PCLO: variants seen among roughly 807,000 people sequenced by gnomAD.
PCLO encodes the protein piccolo presynaptic cytomatrix protein, also known as protein piccolo.
A neutral mutation model predicts 427.5 loss-of-function variants in PCLO; 82 were observed. That is an observed-to-expected ratio of 0.19 (90% CI 0.16 to 0.23). The LOEUF is 0.23. Among genes scored for constraint, PCLO ranks in the 10% least tolerant of loss-of-function variants. PCLO has a pLI of 1.00. For missense variants in PCLO, 6,239 were observed against 6,115.9 expected, an observed-to-expected ratio of 1.02 and a Z score of -0.67; for synonymous variants, 2,357 against 2,155.4, an observed-to-expected ratio of 1.09 and a Z score of -2.59.
chr7:83,030,130 A>AG (rs1788626299), intron 3 of PCLO, among the ~76,000 whole-genome samples: 1 of 145,836 alleles, frequency 6.9e-6, no homozygotes, highest in Non-Finnish European at 1.5e-5. Context: ...AAAAAAAAAA[A>AG]AAAAGAAAAG....
intron 3 of PCLO, among the ~76,000 whole-genome samples, chr7:83,058,831 T>C (rs1377808610): frequency 1.3e-5 from 2 of 152,124 alleles, no homozygotes; most frequent in Non-Finnish European, 2.9e-5. Flanking sequence ...GCAAGGGACT[T>C]ACCTGGATAT....
At chr7:83,151,226 G>T (rs1305726539) in intron 2 of PCLO, among the ~76,000 whole-genome samples, 1 of 152,140 alleles carries the variant, frequency 6.6e-6, no homozygotes, top group Admixed American at 6.5e-5. Flanking sequence ...AAGTTAAAAT[G>T]AAACGATATC....
chr7:82,865,254 A>T (rs2115942022), intron 10 of PCLO, among the ~76,000 whole-genome samples: 1 of 152,260 alleles, frequency 6.6e-6, no homozygotes, highest in African/African-American at 2.4e-5. Context: ...TTGGGAGGCC[A>T]AGGTGGGCAG....
At chr7:82,803,908 T>C (rs192959675) in intron 21 of PCLO, among the ~76,000 whole-genome samples, 1 of 151,862 alleles carries the variant, frequency 6.6e-6, no homozygotes, top group African/African-American at 2.4e-5. Context: ...AACAGGAAAA[T>C]GGGAAAAATC....
At chr7:82,812,972 A>G (rs550782423) in intron 20 of PCLO, among the ~76,000 whole-genome samples, 74 of 151,770 alleles carry the variant, frequency 4.9e-4, no homozygotes, top group African/African-American at 1.7e-3. Context: ...TGTTTGAGTA[A>G]AAAGTCATTC....
chr7:82,922,850 C>A (rs1002515005), intron 6 of PCLO, among the ~76,000 whole-genome samples: 67 of 152,118 alleles, frequency 4.4e-4, no homozygotes, highest in Non-Finnish European at 1.6e-4. Context: ...GCTAGAGAGA[C>A]ATAGCAACAT....
Position 83,119,967 on chromosome 7 carries a change from C to A in PCLO, c.3300+14283G>T, listed in dbSNP as rs116558130. 2.2e-3 allele frequency among the ~76,000 whole-genome samples: 333 copies of A among 151,774 alleles called. 1 individual carries two copies. Among genetic ancestry groups the A allele is most frequent in the African/African-American group, 7.4e-3 (305 of 41,362 alleles). On this transcript the variant is annotated intron_variant, in intron 3 of 24. Transcript: ENST00000333891. ...AAGAAAGATTTAGTGAGCATGAGGA[C>A]AGACTATATGAAAATACAGTTACAG...
At chr7:83,084,327 A>C in intron 3 of PCLO, among the ~76,000 whole-genome samples, 1 of 152,282 alleles carries the variant, frequency 6.6e-6, no homozygotes, top group Middle Eastern at 3.4e-3. Flanking sequence ...GCTCAAGTAT[A>C]TAAAAAAATC....
At chr7:82,779,113 T>C (rs1041462616) in intron 22 of PCLO, among the ~76,000 whole-genome samples, 5 of 152,112 alleles carry the variant, frequency 3.3e-5, no homozygotes, top group African/African-American at 1.2e-4. Context: ...TAACAATAGA[T>C]TTTTTACTTT....
At chr7:82,868,187 C>G (rs775184151) in intron 10 of PCLO, 4 of 456,504 alleles carry the variant, frequency 8.8e-6, no homozygotes, top group South Asian at 4.6e-5. Flanking sequence ...TTGATCACTG[C>G]CATGCCATCT....
Position 82,824,304 on chromosome 7 carries a change from C to A in PCLO, c.14528G>T (p.Ser4843Ile). The A allele has an allele frequency of 1.2e-6, 2 of 1,613,522 alleles. No homozygotes were observed. The highest frequency in any genetic ancestry group is 1.7e-6 in the Non-Finnish European group (2 of 1,179,734). The change falls in exon 19 of 25, where the codon AGC (serine) becomes ATC (isoleucine). Residue 4843 changes from serine (S) to isoleucine (I), a missense_variant. Physicochemically the swap from Ser to Ile is moderately radical, Grantham distance 142 (BLOSUM62 -2). Transcript: ENST00000333891. ...AACAGATGGCTTTGGGGACTGCTGG[C>A]TGCTCTGACTGGAATGAGACTTGCC... is the stretch of plus-strand genomic sequence containing the variant. ...DHGKSHSSQS[S>I]QQSPKPSVIK...
intron 3 of PCLO, among the ~76,000 whole-genome samples, chr7:83,098,902 G>A (rs925930729): frequency 6.6e-6 from 1 of 151,870 alleles, no homozygotes; most frequent in African/African-American, 2.4e-5. Context: ...CACAAGAAGA[G>A]GTATTCAAAT....
intron 2 of PCLO, among the ~76,000 whole-genome samples, chr7:83,146,692 G>A (rs1792003061): frequency 6.6e-6 from 1 of 151,686 alleles, no homozygotes; most frequent in Non-Finnish European, 1.5e-5. Flanking sequence ...TGCCTCTCGG[G>A]TTCAAGTGAT....
At chr7:83,120,762 A>T (rs1395818447) in intron 3 of PCLO, among the ~76,000 whole-genome samples, 1 of 152,190 alleles carries the variant, frequency 6.6e-6, no homozygotes, top group Non-Finnish European at 1.5e-5. Context: ...AACATGAAGG[A>T]GAAATGAAGA....
chr7:83,147,412 C>A (rs1471003930), intron 2 of PCLO, among the ~76,000 whole-genome samples: 2 of 151,606 alleles, frequency 1.3e-5, no homozygotes, highest in African/African-American at 4.8e-5. Flanking sequence ...TTGCAAAAAA[C>A]CCAATAAACT....
At chr7:82,823,641 G>A (rs755440156) in intron 19 of PCLO, among the ~76,000 whole-genome samples, 7 of 152,044 alleles carry the variant, frequency 4.6e-5, no homozygotes, top group Non-Finnish European at 1.0e-4. Flanking sequence ...CCCAATGTAT[G>A]GCACTGTTAT....
intron 20 of PCLO, chr7:82,820,993 A>G (rs1483109464): frequency 8.2e-7 from 1 of 1,224,256 alleles, no homozygotes; most frequent in African/African-American, 1.6e-5. Flanking sequence ...CATGCCCACA[A>G]AAGCACATTA....
At chr7:82,983,487 T>C (rs1796192623) in intron 3 of PCLO, among the ~76,000 whole-genome samples, 1 of 150,834 alleles carries the variant, frequency 6.6e-6, no homozygotes, top group Non-Finnish European at 1.5e-5. Flanking sequence ...GAATTAGAAA[T>C]TTGGGAAAAG....
In PCLO at chr7:82,838,355, G is replaced by GA; in HGVS notation, c.14098-14dup. On this transcript the variant is annotated splice_polypyrimidine_tract_variant and intron_variant, in intron 14 of 24. Transcript: ENST00000333891. ...AGTTAATTTGAAGCTTTAGGAGAGA[G>GA]AAAAATATTCCATAAGTTTTTAAAA... The GA allele has an allele frequency of 7.2e-7, 1 of 1,397,110 alleles. No homozygotes were observed. The highest frequency in any genetic ancestry group is 9.8e-7 in the Non-Finnish European group (1 of 1,021,056). 86.5% of individuals were successfully genotyped at this position (1,397,110 alleles called of 1,614,324 possible). A position where few individuals can be genotyped will look rare whatever the true frequency, so the allele number is the denominator to read the frequency against.
Sources: allele counts gnomAD v4.1 joint callset (sites outside exome capture counted in the v4.1 genomes callset), GRCh38; gene constraint gnomAD v4.1.1; transcripts MANE v1.5; gene names NCBI Gene and HGNC (gene_info 2026-07-23, HGNC 2026-07-21).